CISD2: variants seen among roughly 807,000 people sequenced by gnomAD.
The protein encoded by CISD2 is CDGSH iron sulfur domain 2.
In CISD2, 1 loss-of-function variant was observed where a neutral mutation model predicts 12.9. That is an observed-to-expected ratio of 0.08 (90% CI 0.03 to 0.37). The LOEUF is 0.37. Ranked by LOEUF, CISD2 falls within the 10% of genes least tolerant of loss-of-function variation. CISD2 has a pLI of 0.99. For missense variants in CISD2, 97 were observed against 163.1 expected, an observed-to-expected ratio of 0.59 and a Z score of 2.21; for synonymous variants, 50 against 60.6, an observed-to-expected ratio of 0.83 and a Z score of 0.81.
intron 1 of CISD2, among the ~76,000 whole-genome samples, chr4:102,879,514 G>A (rs1242347195): frequency 6.6e-6 from 1 of 152,124 alleles, no homozygotes; most frequent in East Asian, 1.9e-4. Flanking sequence ...CAGGTGCGGT[G>A]GCTAATGCCT....
intron 1 of CISD2, among the ~76,000 whole-genome samples, chr4:102,874,895 C>G (rs950402463): frequency 6.6e-6 from 1 of 152,222 alleles, no homozygotes; most frequent in Non-Finnish European, 1.5e-5. Context: ...TCTTCTTCCA[C>G]TAGCCCTCTC....
At chr4:102,886,366 C>A (rs1733917321) in intron 2 of CISD2, among the ~76,000 whole-genome samples, 1 of 151,946 alleles carries the variant, frequency 6.6e-6, no homozygotes, top group African/African-American at 2.4e-5. Context: ...TGGCATGCAC[C>A]TGTAGTCCCA....
In CISD2 at chr4:102,869,309, C is replaced by G. The variant is rs1029487349; in HGVS notation, c.103+122C>G. 12 of 1,378,710 alleles carry G rather than the reference C, an allele frequency of 8.7e-6. No homozygotes were observed. In the Admixed American group the frequency reaches 2.2e-4, roughly 25 times the overall value. 85.4% of individuals were successfully genotyped at this position (1,378,710 alleles called of 1,614,324 possible). A position where few individuals can be genotyped will look rare whatever the true frequency, so the allele number is the denominator to read the frequency against. On this transcript the variant is annotated intron_variant, in intron 1 of 2. Transcript: ENST00000273986. The stretch of plus-strand genomic sequence containing the variant: ...CGGCGCCTGGCACGTGATCCCCGCG[C>G]GCAGAGGAAGGTGGGCGCGCGCCGA...
rs1176457430 is a variant in CISD2 at position 102,892,211 on chromosome 4, AT to A, written c.*4782del. On this transcript the variant is annotated 3_prime_UTR_variant, in exon 3 of 3. Coordinates refer to ENST00000273986, the MANE Select transcript of CISD2 (RefSeq NM_001008388.5). ...GTAGCTGAGACTACAGTCATGCTTC[AT>A]CATGCCCGGCTAATTTTTTATTTTT... 6.6e-6 allele frequency: 1 copy of A among 152,196 alleles called. No individual in the cohort carries two copies. The highest frequency in any genetic ancestry group is 1.5e-5 in the Non-Finnish European group (1 of 68,072). The allele number at this position is 152,196 out of a possible 1,614,324, so 9.4% of individuals were successfully genotyped here.
chr4:102,876,648 G>A (rs996639507), intron 1 of CISD2, among the ~76,000 whole-genome samples: 8 of 152,144 alleles, frequency 5.3e-5, no homozygotes, highest in African/African-American at 1.7e-4. Flanking sequence ...TACTCAGGAG[G>A]CTGAGGCAGG....
At position 102,885,295 on chromosome 4, in the gene CISD2, G is replaced by A. The variant is rs199702688; in HGVS notation, c.183G>A (p.Pro61=). The A allele has an allele frequency of 7.1e-5, 115 of 1,613,958 alleles. No individual in the cohort carries two copies. The highest frequency in any genetic ancestry group is 1.8e-4 in the East Asian group (8 of 44,856). The change falls in exon 2 of 3, where the codon CCG becomes CCA. Residue 61 remains proline (P), a synonymous_variant. Transcript: ENST00000273986. ...LGYLAVRPFL[P]KKKQQKDSLI... ...ACCTTGCAGTTCGTCCATTCCTCCC[G>A]AAGAAGAAACAACAGAAGGATAGCT... is the stretch of plus-strand genomic sequence containing the variant.
At chr4:102,875,863 CTT>C (rs898812888) in intron 1 of CISD2, among the ~76,000 whole-genome samples, 2 of 152,184 alleles carry the variant, frequency 1.3e-5, no homozygotes, top group Non-Finnish European at 2.9e-5. Flanking sequence ...TTAGAAGACT[CTT>C]TACTTTTCTT....
intron 1 of CISD2, among the ~76,000 whole-genome samples, chr4:102,870,352 G>A (rs775730836): frequency 6.6e-6 from 1 of 152,046 alleles, no homozygotes; most frequent in Non-Finnish European, 1.5e-5. Flanking sequence ...CAAATGTGGT[G>A]CTTCAGTGAT....
Position 102,873,516 on chromosome 4 carries a change from C to G in CISD2, c.103+4329C>G, listed in dbSNP as rs757169778. On this transcript the variant is annotated intron_variant, in intron 1 of 2. Transcript: ENST00000273986. ...TCTTGAGCTCCTGAGCTTAAGCTAT[C>G]CACTCACCTCAGCCTCCCAAAGTGC... Among the ~76,000 whole-genome samples the G allele has an allele frequency of 7.2e-5, 11 of 152,120 alleles. 1 individual carries two copies. The highest frequency in any genetic ancestry group is 6.8e-3 in the Middle Eastern group (2 of 294).
intron 1 of CISD2, among the ~76,000 whole-genome samples, chr4:102,870,440 A>G (rs1158225855): frequency 1.3e-5 from 2 of 152,218 alleles, no homozygotes; most frequent in Admixed American, 6.5e-5. Context: ...GGGATAAACT[A>G]GATGACAAAT....
intron 1 of CISD2, among the ~76,000 whole-genome samples, chr4:102,879,333 A>T (rs1347497597): frequency 6.6e-6 from 1 of 152,274 alleles, no homozygotes; most frequent in South Asian, 2.1e-4. Flanking sequence ...TCTTTCAGAA[A>T]ATGTTTAGTA....
chr4:102,879,696 C>T (rs922060061), intron 1 of CISD2, among the ~76,000 whole-genome samples: 6 of 151,934 alleles, frequency 3.9e-5, no homozygotes, highest in Admixed American at 6.6e-5. Context: ...CGCTTGAACC[C>T]GGGAGGCAGA....
At chr4:102,880,990 CAA>C (rs539473255) in intron 1 of CISD2, among the ~76,000 whole-genome samples, 36 of 98,962 alleles carry the variant, frequency 3.6e-4, no homozygotes, top group Admixed American at 4.3e-4. Flanking sequence ...GACGCTGTCT[CAA>C]AAAAAAAAAA....
At chr4:102,872,505 C>A (rs1036372103) in intron 1 of CISD2, among the ~76,000 whole-genome samples, 9 of 152,084 alleles carry the variant, frequency 5.9e-5, no homozygotes, top group African/African-American at 2.2e-4. Flanking sequence ...AAATAACTAG[C>A]AACCAAGCTG....
At chr4:102,878,763 A>C (rs1044987736) in intron 1 of CISD2, among the ~76,000 whole-genome samples, 2 of 152,152 alleles carry the variant, frequency 1.3e-5, no homozygotes, top group African/African-American at 4.8e-5. Flanking sequence ...AGCCCTCCAA[A>C]GTGTTCCAAC....
chr4:102,869,188 G>A lies in CISD2; in HGVS notation c.103+1G>A, dbSNP rs1578307302. 1 of 1,603,358 alleles carries A rather than the reference G, an allele frequency of 6.2e-7. No homozygotes were observed. ...ATTACCGGGTTCGCTAGGCTCACAG[G>A]TAATCCTCCCCCATCAGCCAGTCCC... On this transcript the variant is annotated splice_donor_variant, in intron 1 of 2. Coordinates refer to ENST00000273986, the MANE Select transcript of CISD2 (RefSeq NM_001008388.5). LOFTEE classifies it high-confidence loss of function.
rs1356567611 is a variant in CISD2, at chr4:102,869,322, G to A, written c.103+135G>A. On this transcript the variant is annotated intron_variant, in intron 1 of 2. Coordinates refer to ENST00000273986, the MANE Select transcript of CISD2 (RefSeq NM_001008388.5). ...GTGATCCCCGCGCGCAGAGGAAGGT[G>A]GGCGCGCGCCGACGCAGCTGCCTGG... 4.8e-6 allele frequency: 6 copies of A among 1,254,068 alleles called. No homozygotes were observed. The African/African-American group carries it at 5.9e-5, about 12-fold the overall frequency. The allele number at this position is 1,254,068 out of a possible 1,614,324, so 77.7% of individuals were successfully genotyped here.
At chr4:102,886,687 C>T (rs370234686) in intron 2 of CISD2, among the ~76,000 whole-genome samples, 95 of 152,198 alleles carry the variant, frequency 6.2e-4, no homozygotes, top group Non-Finnish European at 1.1e-3. Context: ...ATGATCTCAG[C>T]TCACTGCAAC....
chr4:102,885,524 G>T (rs968463302), intron 2 of CISD2, 94 bp downstream of exon 2: 6 of 955,966 alleles, frequency 6.3e-6, no homozygotes, highest in African/African-American at 4.9e-5. Context: ...TAAGATGAGA[G>T]AATTTTCTGT....
Sources: allele counts gnomAD v4.1 joint callset (sites outside exome capture counted in the v4.1 genomes callset), GRCh38; gene constraint gnomAD v4.1.1; transcripts MANE v1.5; gene names NCBI Gene and HGNC (gene_info 2026-07-23, HGNC 2026-07-21).